Variants in TBCK observed in about 807,000 individuals in gnomAD.
The protein encoded by TBCK is TBC1 domain containing kinase, also known as TBC domain-containing protein kinase-like protein.
Under a neutral mutation model 113.4 loss-of-function variants are expected in TBCK, and 99 were observed. The ratio of observed to expected loss-of-function variants is 0.87; its 90% CI spans 0.74 to 1.03. TBCK has a LOEUF of 1.03. TBCK is among the 50% of genes least tolerant of loss of function. The pLI, the probability that TBCK is intolerant of heterozygous loss-of-function variation, is 0.00. For synonymous variants in TBCK, 369 were observed against 370.8 expected (o/e 1.00, Z 0.05); for missense variants, 1,045 against 1,061.3 (o/e 0.98, Z 0.21).
intron 20 of TBCK, among the ~76,000 whole-genome samples, chr4:106,207,371 T>C (rs1057442236): frequency 6.6e-6 from 1 of 152,310 alleles, no homozygotes; most frequent in African/African-American, 2.4e-5. Context: ...TTGATAGGTT[T>C]AGTTCTTGAG....
chr4:106,142,832 A>G (rs555950234), intron 23 of TBCK, among the ~76,000 whole-genome samples: 10 of 152,210 alleles, frequency 6.6e-5, no homozygotes, highest in Non-Finnish European at 1.5e-5. Flanking sequence ...ACATCACTAC[A>G]GGAGCTGTCT....
chr4:106,309,351 C>T lies in TBCK; in HGVS notation c.-29-362G>A, dbSNP rs557409022. On this transcript the variant is annotated intron_variant, in intron 1 of 25. Transcript: ENST00000394708. The stretch of plus-strand genomic sequence containing the variant: ...TTTTTTTGAGACAGTCTCGCACTGT[C>T]ACCCAGGCTGGAGTGCAGTGGTGTG... 2.9e-4 allele frequency among the ~76,000 whole-genome samples: 35 copies of T among 122,278 alleles called. 1 individual carries two copies. The South Asian group carries it at 7.0e-3, about 24-fold the overall frequency. 80.2% of individuals were successfully genotyped at this position (122,278 alleles called of 152,430 possible).
intron 20 of TBCK, among the ~76,000 whole-genome samples, chr4:106,199,117 T>G (rs1299699319): frequency 6.6e-6 from 1 of 152,172 alleles, no homozygotes; most frequent in Non-Finnish European, 1.5e-5. Flanking sequence ...ATTCATTAAA[T>G]AGTCTCTCAA....
chr4:106,221,564 A>C (rs1029356243), intron 19 of TBCK, among the ~76,000 whole-genome samples: 1 of 152,050 alleles, frequency 6.6e-6, no homozygotes, highest in Non-Finnish European at 1.5e-5. Flanking sequence ...TAATATTCTC[A>C]GTTATTTCAA....
chr4:106,199,401 T>C (rs1291196139), intron 20 of TBCK, among the ~76,000 whole-genome samples: 1 of 152,098 alleles, frequency 6.6e-6, no homozygotes, highest in Non-Finnish European at 1.5e-5. Flanking sequence ...TTCCTCTCTC[T>C]CACTCTCAAC....
chr4:106,190,170 TGG>T lies in TBCK; in HGVS notation c.2059+3437_2059+3438del, dbSNP rs1458465411. Among the ~76,000 whole-genome samples the T allele has an allele frequency of 1.4e-4, 22 of 152,294 alleles. No homozygotes were observed. In the East Asian group the frequency reaches 3.5e-3, roughly 24 times the overall value. On this transcript the variant is annotated intron_variant, in intron 22 of 25. Coordinates refer to ENST00000394708, the MANE Select transcript of TBCK (RefSeq NM_001163435.3). Reference sequence around the variant, plus strand: ...CAAAAATCTAAGCCACTGTTTATAATGGAAAGATTACACATAAATCTTACAGT... The same window carrying T: ...CAAAAATCTAAGCCACTGTTTATAATAAAGATTACACATAAATCTTACAGT...
chr4:106,070,076 T>G (rs969207080), intron 25 of TBCK, among the ~76,000 whole-genome samples: 1 of 152,108 alleles, frequency 6.6e-6, no homozygotes, highest in African/African-American at 2.4e-5. Context: ...TACATTCATG[T>G]CATCTGCAAA....
In TBCK at chr4:106,193,782, TAAA is replaced by T. The variant is rs771784636; in HGVS notation, c.1898-15_1898-13del. 9 of 1,506,342 alleles carry T rather than the reference TAAA, an allele frequency of 6.0e-6. No homozygotes were observed. In the Admixed American group the frequency reaches 2.2e-4, roughly 37 times the overall value. 93.3% of individuals were successfully genotyped at this position (1,506,342 alleles called of 1,614,324 possible). ...TAGTGGAAATACATCTGTAAAACGATAAAAATACAAATAAATTAAAAAACCAAA... is the reference window on the plus strand; with the variant it reads ...TAGTGGAAATACATCTGTAAAACGATAATACAAATAAATTAAAAAACCAAA... On this transcript the variant is annotated splice_polypyrimidine_tract_variant and intron_variant, in intron 21 of 25. Transcript: ENST00000394708.
chr4:106,103,500 G>A (rs756455025), intron 24 of TBCK, among the ~76,000 whole-genome samples: 3 of 152,170 alleles, frequency 2.0e-5, no homozygotes, highest in Non-Finnish European at 2.9e-5. Context: ...GTAAAATAGT[G>A]TAAAATTTAG....
At chr4:106,231,636 G>T in intron 18 of TBCK, 93 bp downstream of exon 18, 1 of 1,109,346 alleles carries the variant, frequency 9.0e-7, no homozygotes, top group Non-Finnish European at 1.3e-6. Context: ...GAGAGAATAA[G>T]AGCCTTAAAA....
chr4:106,098,105 G>C (rs1413708071), intron 24 of TBCK, among the ~76,000 whole-genome samples: 1 of 151,984 alleles, frequency 6.6e-6, no homozygotes, highest in African/African-American at 2.4e-5. Context: ...AGATGAACAC[G>C]CAACACTACA....
chr4:106,159,743 A>G (rs1388011404), intron 23 of TBCK, among the ~76,000 whole-genome samples: 1 of 152,242 alleles, frequency 6.6e-6, no homozygotes, highest in South Asian at 2.1e-4. Context: ...TTATCAAAGT[A>G]TCAATGATGT....
intron 3 of TBCK, among the ~76,000 whole-genome samples, chr4:106,272,195 TATCTTTCTTA>T (rs1763563643): frequency 6.6e-6 from 1 of 152,180 alleles, no homozygotes; most frequent in African/African-American, 2.4e-5. Context: ...AACCTCTAAG[TATCTTTCTTA>T]ATCTTTAAAA....
intron 25 of TBCK, among the ~76,000 whole-genome samples, chr4:106,072,060 CTG>C (rs1274997295): frequency 6.6e-6 from 1 of 152,168 alleles, no homozygotes; most frequent in Admixed American, 6.5e-5. Context: ...ATTTGCCAGT[CTG>C]TGTCTTTTAA....
intron 23 of TBCK, among the ~76,000 whole-genome samples, chr4:106,154,567 C>T (rs1206901203): frequency 2.0e-5 from 3 of 152,070 alleles, no homozygotes; most frequent in Admixed American, 6.6e-5. Context: ...TTAACACCAC[C>T]GTCCTTGGTG....
At chr4:106,256,679 G>A (rs1762026479) in intron 5 of TBCK, among the ~76,000 whole-genome samples, 1 of 152,220 alleles carries the variant, frequency 6.6e-6, no homozygotes, top group South Asian at 2.1e-4. Context: ...GGGAACGTGG[G>A]GCTCCTGCCT....
At chr4:106,197,946 T>C (rs1754452653) in intron 20 of TBCK, among the ~76,000 whole-genome samples, 4 of 152,214 alleles carry the variant, frequency 2.6e-5, no homozygotes, top group African/African-American at 7.2e-5. Context: ...AAATGTTTCA[T>C]AGTTGTTCAG....
At chr4:106,185,361 T>A (rs1266567485) in intron 22 of TBCK, among the ~76,000 whole-genome samples, 2 of 152,062 alleles carry the variant, frequency 1.3e-5, no homozygotes, top group Non-Finnish European at 2.9e-5. Flanking sequence ...AGATTCACCC[T>A]CTTACCACGA....
chr4:106,297,498 T>C (rs866531718), intron 2 of TBCK, among the ~76,000 whole-genome samples: 1 of 152,222 alleles, frequency 6.6e-6, no homozygotes, highest in South Asian at 2.1e-4. Flanking sequence ...GCCAGCATCA[T>C]CTCATTAGAT....
Sources: allele counts gnomAD v4.1 joint callset (sites outside exome capture counted in the v4.1 genomes callset), GRCh38; gene constraint gnomAD v4.1.1; transcripts MANE v1.5; gene names NCBI Gene and HGNC (gene_info 2026-07-23, HGNC 2026-07-21).